The following DEPDC5 variants were observed in gnomAD, a reference collection of about 807,000 sequenced individuals.
The protein encoded by DEPDC5 is DEP domain containing 5, GATOR1 subcomplex subunit.
A neutral mutation model predicts 217.3 loss-of-function variants in DEPDC5; 73 were observed. That is an observed-to-expected ratio of 0.34 (90% CI 0.28 to 0.41). The LOEUF (loss-of-function observed/expected upper bound fraction) is 0.41. Among genes scored for constraint, DEPDC5 ranks in the 10% least tolerant of loss-of-function variants. The pLI, the probability that DEPDC5 is intolerant of heterozygous loss-of-function variation, is 1.00. For missense variants in DEPDC5, 1,675 were observed against 2,070.1 expected (o/e 0.81, Z 3.70); for synonymous variants, 733 against 756.7 (o/e 0.97, Z 0.51).
chr22:31,761,662 C>CAAA lies in DEPDC5; in HGVS notation c.193+979_193+981dup, dbSNP rs532267383. Among the ~76,000 whole-genome samples the CAAA allele has an allele frequency of 8.3e-3, 809 of 97,420 alleles. 12 individuals are homozygous for CAAA. The highest frequency in any genetic ancestry group is 0.025 in the African/African-American group (652 of 25,816). 63.9% of individuals were successfully genotyped at this position (97,420 alleles called of 152,430 possible). ...TGGTCAACAGAGCAAGACCCTATCT[C>CAAA]AAAAAAAAAAAAAAAAAAAAATAGG... On this transcript the variant is annotated intron_variant, in intron 4 of 42. Transcript: ENST00000651528.
In DEPDC5 at chr22:31,819,154, C is replaced by T. The variant is rs562102227; in HGVS notation, c.1799C>T (p.Pro600Leu). 1 of 1,614,144 alleles carries T rather than the reference C, an allele frequency of 6.2e-7. No individual in the cohort carries two copies. The highest frequency in any genetic ancestry group is 1.3e-5 in the African/African-American group (1 of 75,014). Reference protein sequence around the residue: ...GYTPQRALINPFAPSRMPMKL... With the variant: ...GYTPQRALINLFAPSRMPMKL... ...ACGCCCCAGAGAGCACTGATTAACC[C>T]CTTCGCTCCCTCTCGGATGCCCATG... Residue 600 changes from proline to leucine, a missense_variant, in exon 22 of 43, where the codon CCC becomes CTC. Coordinates refer to ENST00000651528, the MANE Select transcript of DEPDC5 (RefSeq NM_001242896.3).
chr22:31,789,270 A>T (rs1306791935), intron 10 of DEPDC5, among the ~76,000 whole-genome samples: 1 of 152,262 alleles, frequency 6.6e-6, no homozygotes, highest in African/African-American at 2.4e-5. Context: ...GATAAATAAA[A>T]TGTATATCCA....
At chr22:31,832,574 TTGGACTTC>T (rs971022760) in intron 24 of DEPDC5, among the ~76,000 whole-genome samples, 1 of 152,084 alleles carries the variant, frequency 6.6e-6, no homozygotes, top group African/African-American at 2.4e-5. Context: ...CACTGCAACC[TTGGACTTC>T]TGGGCACAAG....
intron 31 of DEPDC5, chr22:31,853,482 C>T (rs1366210221): frequency 6.6e-6 from 1 of 152,202 alleles, no homozygotes; most frequent in Non-Finnish European, 1.5e-5. Context: ...TTTGCTTGCA[C>T]AGAATTTTTT....
chr22:31,755,136 T>C lies in DEPDC5; in HGVS notation c.58+157T>C, dbSNP rs1304623093. On this transcript the variant is annotated intron_variant, in intron 2 of 42. Coordinates refer to ENST00000651528, the MANE Select transcript of DEPDC5 (RefSeq NM_001242896.3). ...CTGTCATACAGTAACAATAGGAGGA[T>C]GGCAGGACCCTTCTAATGCATTTGC... 9 of 730,780 alleles carry C rather than the reference T, an allele frequency of 1.2e-5. No homozygotes were observed. In the Admixed American group the frequency reaches 1.6e-4, roughly 13 times the overall value. 45.3% of individuals were successfully genotyped at this position (730,780 alleles called of 1,614,324 possible).
At chr22:31,792,684 G>A (rs906752870) in intron 11 of DEPDC5, 61 bp from the exon 12 acceptor site, 40 of 1,202,246 alleles carry the variant, frequency 3.3e-5, no homozygotes, top group Non-Finnish European at 2.3e-5. Flanking sequence ...AGAAGAGGAA[G>A]CTGACAAAAC....
At chr22:31,757,468 C>T (rs1472287263) in intron 2 of DEPDC5, 1 of 152,102 alleles carries the variant, frequency 6.6e-6, no homozygotes, top group African/African-American at 2.4e-5. Flanking sequence ...CCACTGTACG[C>T]CAGCCTAGGC....
chr22:31,881,635 A>C (rs1391577047), intron 38 of DEPDC5, among the ~76,000 whole-genome samples: 1 of 152,036 alleles, frequency 6.6e-6, no homozygotes, highest in Non-Finnish European at 1.5e-5. Context: ...ATTTTATGTC[A>C]TGGGAGGACC....
Position 31,754,880 on chromosome 22 carries a change from C to G in DEPDC5, c.-42C>G, listed in dbSNP as rs200729560. On this transcript the variant is annotated 5_prime_UTR_variant, in exon 2 of 43. Transcript: ENST00000651528. ...GTGGCAGGGAGGCAAGATGACTTCT[C>G]TGCCCCAAGCTTGGAACAGCTAAAG... 1 of 1,611,116 alleles carries G rather than the reference C, an allele frequency of 6.2e-7. No individual in the cohort carries two copies. Among genetic ancestry groups the G allele is most frequent in the Non-Finnish European group, 8.5e-7 (1 of 1,177,860 alleles).
In DEPDC5 at chr22:31,758,589, G is replaced by A. The variant is rs766327865; in HGVS notation, c.102G>A (p.Lys34=). 1 of 1,614,136 alleles carries A rather than the reference G, an allele frequency of 6.2e-7. No homozygotes were observed. The highest frequency in any genetic ancestry group is 8.5e-7 in the Non-Finnish European group (1 of 1,180,030). ...ACCCCAAAGTGTTCCCTCACATCAA[G>A]CTTGGAGACATTGTAGAGATTGCAC... ...VVNPKVFPHI[K]LGDIVEIAHP... is the part of the protein sequence containing the mutation. Residue 34 remains lysine, a synonymous_variant, in exon 3 of 43, where the codon AAG becomes AAA. Coordinates refer to ENST00000651528, the MANE Select transcript of DEPDC5 (RefSeq NM_001242896.3).
chr22:31,836,906 C>A, intron 25 of DEPDC5, 66 bp from the exon 26 acceptor site: 1 of 1,436,056 alleles, frequency 7.0e-7, no homozygotes, highest in Non-Finnish European at 9.7e-7. Context: ...CTTCCCTCCC[C>A]TGGCCCCCCA....
At chr22:31,855,700 G>T (rs2092261565) in intron 31 of DEPDC5, among the ~76,000 whole-genome samples, 3 of 152,080 alleles carry the variant, frequency 2.0e-5, no homozygotes, top group Non-Finnish European at 4.4e-5. Context: ...TTTCATGTGG[G>T]TAGGCAGGGT....
chr22:31,828,610 T>G (rs1217572500), intron 24 of DEPDC5, among the ~76,000 whole-genome samples: 1 of 146,178 alleles, frequency 6.8e-6, no homozygotes, highest in Admixed American at 6.7e-5. Context: ...TTAACTAGAT[T>G]CCTTTTTTTC....
In DEPDC5 at chr22:31,812,703, C is replaced by T. The variant is rs1381849057; in HGVS notation, c.1445+2062C>T. On this transcript the variant is annotated intron_variant, in intron 20 of 42. Coordinates refer to ENST00000651528, the MANE Select transcript of DEPDC5 (RefSeq NM_001242896.3). ...CCTCCCAAAGTGGTGGGATTACAGG[C>T]GTGAGCCACCGCGCCCGGCCAATTT... Among the ~76,000 whole-genome samples, 26 of 145,162 alleles carry T rather than the reference C, an allele frequency of 1.8e-4. 1 individual carries two copies. The highest frequency in any genetic ancestry group is 5.2e-4 in the African/African-American group (21 of 40,024).
intron 33 of DEPDC5, among the ~76,000 whole-genome samples, chr22:31,865,013 A>G (rs1205304674): frequency 7.1e-6 from 1 of 140,076 alleles, no homozygotes; most frequent in Admixed American, 6.8e-5. Context: ...TTTAGTAGAG[A>G]CGGGGTTTTG....
At chr22:31,803,336 A>C (rs1318590893) in intron 15 of DEPDC5, among the ~76,000 whole-genome samples, 2 of 151,750 alleles carry the variant, frequency 1.3e-5, no homozygotes, top group Admixed American at 6.6e-5. Flanking sequence ...TCAGCCTCCC[A>C]AGTAGCTGGG....
intron 24 of DEPDC5, among the ~76,000 whole-genome samples, chr22:31,824,708 CT>C (rs753373855): frequency 1.3e-5 from 2 of 152,018 alleles, no homozygotes; most frequent in Non-Finnish European, 2.9e-5. Context: ...TGGCTCACAC[CT>C]GTAATCCCAG....
intron 5 of DEPDC5, among the ~76,000 whole-genome samples, chr22:31,765,882 G>T (rs1298788824): frequency 6.6e-6 from 1 of 152,166 alleles, no homozygotes; most frequent in African/African-American, 2.4e-5. Context: ...ACTTAGCTGG[G>T]TGTGGTGGCG....
At chr22:31,844,691 C>T (rs2091610980) in intron 29 of DEPDC5, 2 of 259,312 alleles carry the variant, frequency 7.7e-6, no homozygotes, top group Non-Finnish European at 1.4e-5. Context: ...TTGTGGTCTT[C>T]CTTCAGAGCT....
Sources: allele counts gnomAD v4.1 joint callset (sites outside exome capture counted in the v4.1 genomes callset), GRCh38; gene constraint gnomAD v4.1.1; transcripts MANE v1.5; gene names NCBI Gene and HGNC (gene_info 2026-07-23, HGNC 2026-07-21).